Variants in QKI observed in about 807,000 individuals in gnomAD.
QKI encodes the protein QKI, KH domain containing RNA binding, also known as KH domain-containing RNA-binding protein QKI.
A neutral mutation model predicts 39.0 loss-of-function variants in QKI; 10 were observed. That is an observed-to-expected ratio of 0.26 (90% CI 0.16 to 0.43). The LOEUF (loss-of-function observed/expected upper bound fraction) is 0.43, where lower values mean the gene tolerates loss of function less well. Ranked by LOEUF, QKI falls within the 20% of genes least tolerant of loss-of-function variation. The pLI is 1.00. For synonymous variants in QKI, 204 were observed against 155.4 expected, an observed-to-expected ratio of 1.31 and a Z score of -2.33; for missense variants, 218 against 428.0, an observed-to-expected ratio of 0.51 and a Z score of 4.33.
At chr6:163,421,108 T>G (rs1476521433) in intron 1 of QKI, among the ~76,000 whole-genome samples, 1 of 152,222 alleles carries the variant, frequency 6.6e-6, no homozygotes. Context: ...ATTAGAAATA[T>G]TGTCTAATAA....
chr6:163,444,511 AGTGT>A (rs1293811246), intron 1 of QKI, among the ~76,000 whole-genome samples: 1 of 150,718 alleles, frequency 6.6e-6, no homozygotes, highest in African/African-American at 2.4e-5. Flanking sequence ...GAAAGTTCAA[AGTGT>A]GTGTGTTTTC....
At chr6:163,422,008 A>G (rs1471349401) in intron 1 of QKI, among the ~76,000 whole-genome samples, 1 of 152,008 alleles carries the variant, frequency 6.6e-6, no homozygotes, top group East Asian at 1.9e-4. Context: ...TCTTGACCCC[A>G]TGATCTGACC....
chr6:163,569,405 A>T, intron 7 of QKI: 1 of 1,266,868 alleles, frequency 7.9e-7, no homozygotes, highest in South Asian at 1.3e-5. Flanking sequence ...CTTTGCACTG[A>T]ATATCTTTTC....
chr6:163,561,421 A>G (rs774553052), intron 4 of QKI, among the ~76,000 whole-genome samples: 1 of 152,112 alleles, frequency 6.6e-6, no homozygotes, highest in African/African-American at 2.4e-5. Flanking sequence ...AGCCTGGGCT[A>G]CAAAACGAGA....
At chr6:163,485,701 A>T (rs530265599) in intron 3 of QKI, among the ~76,000 whole-genome samples, 1 of 152,250 alleles carries the variant, frequency 6.6e-6, no homozygotes, top group African/African-American at 2.4e-5. Flanking sequence ...TATCAAAGCC[A>T]TGTCAGTCAG....
chr6:163,478,480 C>G (rs777802269), intron 2 of QKI, among the ~76,000 whole-genome samples: 1 of 152,192 alleles, frequency 6.6e-6, no homozygotes, highest in South Asian at 2.1e-4. Context: ...TTTTGTCAAA[C>G]TCTTTAATAC....
At chr6:163,521,025 C>T (rs1043760277) in intron 3 of QKI, among the ~76,000 whole-genome samples, 13 of 151,928 alleles carry the variant, frequency 8.6e-5, no homozygotes, top group Admixed American at 2.0e-4. Context: ...GTAAAATTAC[C>T]CTTGGTTTTT....
At chr6:163,502,437 C>A (rs1376048902) in intron 3 of QKI, among the ~76,000 whole-genome samples, 1 of 151,800 alleles carries the variant, frequency 6.6e-6, no homozygotes, top group Non-Finnish European at 1.5e-5. Flanking sequence ...ATATGTTAAC[C>A]CATTTGAACC....
intron 1 of QKI, chr6:163,416,565 T>C (rs1350309533): frequency 6.6e-6 from 1 of 152,216 alleles, no homozygotes; most frequent in Non-Finnish European, 1.5e-5. Context: ...GAACAGGAGT[T>C]TGAAGCTTGG....
chr6:163,505,640 A>G (rs948309074), intron 3 of QKI, among the ~76,000 whole-genome samples: 2 of 152,142 alleles, frequency 1.3e-5, no homozygotes, highest in Non-Finnish European at 2.9e-5. Context: ...CCCATTTGGA[A>G]TGGGAACATT....
chr6:163,416,092 C>G (rs1046313923), intron 1 of QKI, among the ~76,000 whole-genome samples: 6 of 147,496 alleles, frequency 4.1e-5, no homozygotes, highest in African/African-American at 1.5e-4. Context: ...AACGCGATGA[C>G]AGATCGGAGC....
chr6:163,531,618 A>AT (rs1467100648), intron 3 of QKI, among the ~76,000 whole-genome samples: 1 of 152,140 alleles, frequency 6.6e-6, no homozygotes, highest in Non-Finnish European at 1.5e-5. Flanking sequence ...TAGATTCTTA[A>AT]TTTTTAAATG....
intron 1 of QKI, among the ~76,000 whole-genome samples, chr6:163,419,767 C>G (rs75989956): frequency 6.6e-6 from 1 of 152,010 alleles, no homozygotes; most frequent in Non-Finnish European, 1.5e-5. Context: ...AAGTTGTATC[C>G]GACTGTAACA....
At chr6:163,512,299 C>G (rs12203945) in intron 3 of QKI, among the ~76,000 whole-genome samples, 3 of 151,812 alleles carry the variant, frequency 2.0e-5, no homozygotes, top group African/African-American at 7.2e-5. Context: ...TGATTTTACC[C>G]TGTCTATTCC....
chr6:163,567,657 C>T (rs1283229209), intron 7 of QKI: 17 of 984,848 alleles, frequency 1.7e-5, no homozygotes, highest in South Asian at 1.4e-4. Flanking sequence ...ATGGTATTTT[C>T]GGTTTATTGA....
intron 3 of QKI, among the ~76,000 whole-genome samples, chr6:163,489,840 G>A (rs150496956): frequency 0.017 from 2,542 of 152,122 alleles, 30 homozygotes; most frequent in South Asian, 0.029. Flanking sequence ...TTATGTCTTG[G>A]GCTGGGCATT....
At chr6:163,525,109 TGAATCTCTGG>T (rs1474057607) in intron 3 of QKI, among the ~76,000 whole-genome samples, 1 of 152,126 alleles carries the variant, frequency 6.6e-6, no homozygotes, top group Non-Finnish European at 1.5e-5. Flanking sequence ...TGTTTTGTTT[TGAATCTCTGG>T]GATTTATACC....
rs1777680288 is a variant in QKI, at chr6:163,578,031, A to T, written c.*7321A>T. 6.6e-6 allele frequency: 1 copy of T among 152,168 alleles called. No individual in the cohort carries two copies. The highest frequency in any genetic ancestry group is 2.4e-5 in the African/African-American group (1 of 41,442). The allele number at this position is 152,168 out of a possible 1,614,324, so 9.4% of individuals were successfully genotyped here. A position where few individuals can be genotyped will look rare whatever the true frequency, so the allele number is the denominator to read the frequency against. On this transcript the variant is annotated 3_prime_UTR_variant, in exon 8 of 8. Coordinates refer to ENST00000361752, the MANE Select transcript of QKI (RefSeq NM_006775.3). Reference sequence around the variant, plus strand: ...GTTTGGCATCATATCTTCCCCAAAAAATGTTTATTAAAATTAGATTATTCC... The same window carrying T: ...GTTTGGCATCATATCTTCCCCAAAATATGTTTATTAAAATTAGATTATTCC...
chr6:163,550,807 ATGG>A (rs1342270367), intron 4 of QKI, among the ~76,000 whole-genome samples: 1 of 151,892 alleles, frequency 6.6e-6, no homozygotes, highest in Non-Finnish European at 1.5e-5. Flanking sequence ...TTAGCCGGGC[ATGG>A]TGGTGGGCGC....
Sources: allele counts gnomAD v4.1 joint callset (sites outside exome capture counted in the v4.1 genomes callset), GRCh38; gene constraint gnomAD v4.1.1; transcripts MANE v1.5; gene names NCBI Gene and HGNC (gene_info 2026-07-23, HGNC 2026-07-21).